The following PRR16 variants were observed in gnomAD, a reference collection of about 807,000 sequenced individuals.
PRR16 encodes the protein protein Largen.
A neutral mutation model predicts 18.2 loss-of-function variants in PRR16; 6 were observed. The ratio of observed to expected loss-of-function variants is 0.33; its 90% CI spans 0.18 to 0.65. The LOEUF is 0.65. PRR16 is among the 30% of genes least tolerant of loss of function. PRR16 has a pLI of 0.74. For synonymous variants in PRR16, 151 were observed against 147.8 expected, an observed-to-expected ratio of 1.02 and a Z score of -0.16; for missense variants, 412 against 376.6, an observed-to-expected ratio of 1.09 and a Z score of -0.78.
chr5:120,722,943 C>T, the PRR16 span, among the ~76,000 whole-genome samples: 1 of 151,160 alleles, frequency 6.6e-6, no homozygotes, highest in African/African-American at 2.4e-5. Context: ...CTATACTCTC[C>T]ATATATTTTA....
chr5:120,767,807 C>T, the PRR16 span, among the ~76,000 whole-genome samples: 1 of 151,742 alleles, frequency 6.6e-6, no homozygotes, highest in Non-Finnish European at 1.5e-5. Flanking sequence ...AAGGTTCTCA[C>T]TATATCTCAT....
At chr5:120,519,050 C>A (rs1751088414) in intron 1 of PRR16, among the ~76,000 whole-genome samples, 1 of 151,978 alleles carries the variant, frequency 6.6e-6, no homozygotes, top group South Asian at 2.1e-4. Context: ...ACGATTGAAC[C>A]TTCCCCCATT....
chr5:120,624,181 C>G (rs185906291), intron 1 of PRR16, among the ~76,000 whole-genome samples: 112 of 152,190 alleles, frequency 7.4e-4, no homozygotes, highest in African/African-American at 2.4e-3. Flanking sequence ...GTTAGGGATC[C>G]TTTCTGCAGT....
At chr5:120,510,787 T>C (rs1750801913) in intron 1 of PRR16, among the ~76,000 whole-genome samples, 1 of 152,214 alleles carries the variant, frequency 6.6e-6, no homozygotes, top group African/African-American at 2.4e-5. Context: ...TATATAGATT[T>C]CTGATGCACT....
At chr5:120,702,849 C>A in the PRR16 span, among the ~76,000 whole-genome samples, 3 of 152,128 alleles carry the variant, frequency 2.0e-5, no homozygotes, top group African/African-American at 7.2e-5. Flanking sequence ...TTGGGCTGGT[C>A]GGTCTGAGGA....
At chr5:120,719,754 C>T in the PRR16 span, among the ~76,000 whole-genome samples, 1 of 151,994 alleles carries the variant, frequency 6.6e-6, no homozygotes. Context: ...ATTACTGACA[C>T]AGATATTATG....
In PRR16 at chr5:120,476,229, T is replaced by C. The variant is rs148802436; in HGVS notation, c.159+11584T>C. Among the ~76,000 whole-genome samples the C allele has an allele frequency of 3.0e-3, 451 of 152,242 alleles. 5 individuals are homozygous for C. The highest frequency in any genetic ancestry group is 0.01 in the African/African-American group (436 of 41,560). On this transcript the variant is annotated intron_variant, in intron 1 of 1. Transcript: ENST00000407149. The stretch of plus-strand genomic sequence containing the variant: ...TCCTGTTACTTAAAATGTCAAATGA[T>C]CAAACCCAGCCTTCCAGCCTGACAT...
At chr5:120,619,436 A>G (rs1754617415) in intron 1 of PRR16, among the ~76,000 whole-genome samples, 1 of 152,140 alleles carries the variant, frequency 6.6e-6, no homozygotes, top group South Asian at 2.1e-4. Context: ...AAAATACAAG[A>G]AGTATTTGTT....
At chr5:120,743,203 G>A in the PRR16 span, among the ~76,000 whole-genome samples, 3 of 151,694 alleles carry the variant, frequency 2.0e-5, no homozygotes, top group African/African-American at 7.3e-5. Context: ...ATTTTATGTG[G>A]TCTATTTTCG....
At chr5:120,600,330 C>T (rs1233645092) in intron 1 of PRR16, among the ~76,000 whole-genome samples, 1 of 151,800 alleles carries the variant, frequency 6.6e-6, no homozygotes, top group Non-Finnish European at 1.5e-5. Flanking sequence ...TAAACTGATA[C>T]AATATGTATA....
At chr5:120,603,336 A>G (rs1030670209) in intron 1 of PRR16, among the ~76,000 whole-genome samples, 3 of 152,090 alleles carry the variant, frequency 2.0e-5, no homozygotes, top group African/African-American at 7.2e-5. Context: ...TAGATTTTCT[A>G]GCTTGTCTGC....
At chr5:120,785,569 G>GTTTTTTTTTTTTTTTTTTTTTT in the PRR16 span, among the ~76,000 whole-genome samples, 1 of 99,606 alleles carries the variant, frequency 1.0e-5, no homozygotes, top group Non-Finnish European at 2.2e-5. Flanking sequence ...GTGTTTTGTT[G>GTTTTTTTTTTTTTTTTTTTTTT]TTGTTGTTTT....
chr5:120,709,174 A>AT, the PRR16 span, among the ~76,000 whole-genome samples: 1 of 151,062 alleles, frequency 6.6e-6, no homozygotes, highest in Admixed American at 6.6e-5. Flanking sequence ...CGCCTGGCTA[A>AT]TTTTTTGTAT....
chr5:120,486,693 T>C (rs1749812580), intron 1 of PRR16, among the ~76,000 whole-genome samples: 1 of 152,206 alleles, frequency 6.6e-6, no homozygotes, highest in African/African-American at 2.4e-5. Context: ...GCCATTGCTT[T>C]TGGTGTTTTA....
At chr5:120,589,464 C>T (rs1230940773) in intron 1 of PRR16, among the ~76,000 whole-genome samples, 2 of 152,126 alleles carry the variant, frequency 1.3e-5, no homozygotes, top group Middle Eastern at 3.2e-3. Context: ...ACTTCACACA[C>T]AGGCTTAGTA....
intron 1 of PRR16, among the ~76,000 whole-genome samples, chr5:120,570,912 G>A (rs1752885786): frequency 6.6e-6 from 1 of 152,036 alleles, no homozygotes; most frequent in African/African-American, 2.4e-5. Flanking sequence ...AAAAGTATGA[G>A]ACAGGAAATA....
the PRR16 span, among the ~76,000 whole-genome samples, chr5:120,738,922 C>G: frequency 6.6e-6 from 1 of 152,176 alleles, no homozygotes; most frequent in East Asian, 1.9e-4. Context: ...CAGAGGAGAT[C>G]TGCTTCCTGG....
At chr5:120,497,906 C>T (rs1401059498) in intron 1 of PRR16, among the ~76,000 whole-genome samples, 1 of 151,554 alleles carries the variant, frequency 6.6e-6, no homozygotes, top group East Asian at 1.9e-4. Context: ...TATCTTCTCC[C>T]ATCTTTAATT....
At chr5:120,520,454 A>G (rs768889748) in intron 1 of PRR16, among the ~76,000 whole-genome samples, 34 of 152,220 alleles carry the variant, frequency 2.2e-4, no homozygotes, top group Non-Finnish European at 4.0e-4. Context: ...CTGAAATTAT[A>G]GTAAAATCAG....
Sources: gnomAD v4.1 joint callset for allele counts (sites outside exome capture counted in the v4.1 genomes callset) on GRCh38, gnomAD v4.1.1 for gene constraint, MANE v1.5 for transcripts, NCBI Gene and HGNC (gene_info 2026-07-23, HGNC 2026-07-21) for gene names.